ALG5: variants seen among roughly 807,000 people sequenced by gnomAD.
The protein encoded by ALG5 is ALG5 dolichyl-phosphate beta-glucosyltransferase, also known as dolichyl-phosphate beta-glucosyltransferase.
A neutral mutation model predicts 51.8 loss-of-function variants in ALG5; 26 were observed. The observed-to-expected ratio is 0.50, with a 90% CI of 0.37 to 0.70. The LOEUF (loss-of-function observed/expected upper bound fraction) is 0.70, where lower values mean the gene tolerates loss of function less well. ALG5 is among the 30% of genes least tolerant of loss of function. ALG5 has a pLI of 0.00. For missense variants in ALG5, 311 were observed against 399.3 expected (o/e 0.78, Z 1.88); for synonymous variants, 141 against 136.1 (o/e 1.04, Z -0.25).
At chr13:36,961,637 A>T (rs2138786908) in intron 8 of ALG5, among the ~76,000 whole-genome samples, 1 of 152,332 alleles carries the variant, frequency 6.6e-6, no homozygotes, top group African/African-American at 2.4e-5. Context: ...ATATATATGT[A>T]TCTGAATTTG....
intron 6 of ALG5, among the ~76,000 whole-genome samples, chr13:36,974,344 A>ATGCTCATT (rs1453440589): frequency 2.0e-4 from 31 of 152,354 alleles, no homozygotes; most frequent in African/African-American, 7.5e-4. Context: ...GACTAACAAA[A>ATGCTCATT]ATAAATTTAA....
intron 2 of ALG5, among the ~76,000 whole-genome samples, 165 bp downstream of exon 2, chr13:36,995,260 G>A (rs2059043778): frequency 6.6e-6 from 1 of 152,148 alleles, no homozygotes; most frequent in African/African-American, 2.4e-5. Flanking sequence ...ATTCATGAGA[G>A]CAAATATTCA....
chr13:36,958,820 G>A (rs915983783), intron 8 of ALG5, among the ~76,000 whole-genome samples: 1 of 152,132 alleles, frequency 6.6e-6, no homozygotes, highest in African/African-American at 2.4e-5. Flanking sequence ...TAAAGCAGGA[G>A]GTAAAGAAAT....
intron 8 of ALG5, among the ~76,000 whole-genome samples, chr13:36,954,285 T>C (rs749501492): frequency 3.3e-5 from 5 of 152,180 alleles, no homozygotes; most frequent in Non-Finnish European, 7.3e-5. Flanking sequence ...TCTAGTTTTG[T>C]TCTTTTGAGA....
At chr13:36,992,150 T>C (rs1273240234) in intron 4 of ALG5, among the ~76,000 whole-genome samples, 2 of 152,258 alleles carry the variant, frequency 1.3e-5, no homozygotes, top group African/African-American at 4.8e-5. Flanking sequence ...TAAGCCACTC[T>C]ATGATATAGT....
chr13:36,976,434 A>G, intron 6 of ALG5, among the ~76,000 whole-genome samples: 1 of 150,254 alleles, frequency 6.7e-6, no homozygotes, highest in African/African-American at 2.4e-5. Context: ...TCAAAAAAAA[A>G]AAAAAAAAAA....
intron 8 of ALG5, among the ~76,000 whole-genome samples, chr13:36,957,711 A>G (rs1406506255): frequency 6.6e-6 from 1 of 152,048 alleles, no homozygotes; most frequent in Non-Finnish European, 1.5e-5. Context: ...ATAGACAGCC[A>G]CTCCTAACCA....
At chr13:36,977,161 T>C (rs964421229) in intron 6 of ALG5, among the ~76,000 whole-genome samples, 7 of 152,216 alleles carry the variant, frequency 4.6e-5, no homozygotes, top group Admixed American at 4.6e-4. Flanking sequence ...AATCTCACTA[T>C]CAGGTAGAAT....
intron 1 of ALG5, among the ~76,000 whole-genome samples, chr13:36,997,030 C>T (rs894029850): frequency 1.3e-5 from 2 of 152,152 alleles, no homozygotes; most frequent in African/African-American, 4.8e-5. Flanking sequence ...GATTAAAAAA[C>T]ACATCGAGTA....
Position 36,995,507 on chromosome 13 carries a change from C to T in ALG5, c.156G>A (p.Gln52=). Residue 52 remains glutamine (Q), a synonymous_variant, in exon 2 of 10, where the codon CAG becomes CAA. Coordinates refer to ENST00000239891, the MANE Select transcript of ALG5 (RefSeq NM_013338.5). ...EEKFFLNAKG[Q]KETLPSIWDS... The stretch of plus-strand genomic sequence containing the variant: ...CCCATATGCTGGGTAAAGTTTCTTT[C>T]TGGCCTTTGGCATTTAAGAAGAATT... 2.5e-6 allele frequency: 4 copies of T among 1,606,506 alleles called. No homozygotes were observed. Among genetic ancestry groups the T allele is most frequent in the Non-Finnish European group, 3.4e-6 (4 of 1,178,374 alleles).
chr13:36,975,727 T>C (rs2058947229), intron 6 of ALG5, among the ~76,000 whole-genome samples: 1 of 152,166 alleles, frequency 6.6e-6, no homozygotes, highest in African/African-American at 2.4e-5. Flanking sequence ...TTTTAATGCA[T>C]ATGGGCCAAA....
chr13:36,951,691 T>C (rs554787515), intron 9 of ALG5, among the ~76,000 whole-genome samples: 8 of 152,368 alleles, frequency 5.3e-5, no homozygotes, highest in Admixed American at 3.3e-4. Context: ...TTTCAAGTTA[T>C]TATAGAGTTG....
At chr13:36,978,897 C>CA in intron 6 of ALG5, among the ~76,000 whole-genome samples, 1 of 123,926 alleles carries the variant, frequency 8.1e-6, no homozygotes, top group East Asian at 2.4e-4. Context: ...GCCTGGGTGA[C>CA]AGAGTGAGAT....
chr13:36,962,195 C>T (rs1372887680), intron 8 of ALG5, among the ~76,000 whole-genome samples: 1 of 152,030 alleles, frequency 6.6e-6, no homozygotes, highest in Non-Finnish European at 1.5e-5. Context: ...TTCAATGAAT[C>T]CTTAAGAAAA....
intron 5 of ALG5, among the ~76,000 whole-genome samples, 186 bp from the exon 6 acceptor site, chr13:36,985,926 C>T (rs1428373936): frequency 8.5e-5 from 13 of 152,092 alleles, no homozygotes; most frequent in Admixed American, 5.9e-4. Flanking sequence ...AACCTATTGC[C>T]TATCTTCATT....
chr13:36,962,924 T>C (rs777371305), intron 8 of ALG5, among the ~76,000 whole-genome samples: 11 of 152,186 alleles, frequency 7.2e-5, no homozygotes, highest in Non-Finnish European at 1.3e-4. Flanking sequence ...CTTGGAAATA[T>C]ATTGGATAAC....
In ALG5 at chr13:36,950,863, GGCATGAGTGACT is replaced by G. The variant is rs569317310; in HGVS notation, c.860-818_860-807del. ...AGGCTCCCAAAGTGCTGGGATTACA[GGCATGAGTGACT>G]GCACCCAGCCACAGCAGATTCTTAT... On this transcript the variant is annotated intron_variant, in intron 9 of 9. Coordinates refer to ENST00000239891, the MANE Select transcript of ALG5 (RefSeq NM_013338.5). Among the ~76,000 whole-genome samples the G allele has an allele frequency of 3.9e-4, 59 of 152,096 alleles. No homozygotes were observed. In the East Asian group the frequency reaches 9.7e-3, roughly 25 times the overall value.
intron 3 of ALG5, among the ~76,000 whole-genome samples, chr13:36,994,188 A>C (rs2059038501): frequency 6.6e-6 from 1 of 152,226 alleles, no homozygotes; most frequent in South Asian, 2.1e-4. Context: ...ATACATATTA[A>C]AGGCTCAATT....
chr13:36,959,411 A>G (rs9532000), intron 8 of ALG5, among the ~76,000 whole-genome samples: 122,500 of 151,904 alleles, frequency 0.81, 50,119 homozygotes, highest in East Asian at 1. Context: ...TAATTATGCT[A>G]CATTGTATTC....
Sources: allele counts gnomAD v4.1 joint callset (sites outside exome capture counted in the v4.1 genomes callset), GRCh38; gene constraint gnomAD v4.1.1; transcripts MANE v1.5; gene names NCBI Gene and HGNC (gene_info 2026-07-23, HGNC 2026-07-21).